NRXN1: variants seen among roughly 807,000 people sequenced by gnomAD.
NRXN1 encodes neurexin-1.
NRXN1 carries 39 observed loss-of-function variants against 150.9 expected under a neutral mutation model. The ratio of observed to expected loss-of-function variants is 0.26; its 90% CI spans 0.20 to 0.34. The LOEUF is 0.34. NRXN1 is among the 10% of genes least tolerant of loss of function. The pLI, the probability that NRXN1 is intolerant of heterozygous loss-of-function variation, is 1.00. For missense variants in NRXN1, 1,815 were observed against 1,949.9 expected, an observed-to-expected ratio of 0.93 and a Z score of 1.30; for synonymous variants, 924 against 757.0, an observed-to-expected ratio of 1.22 and a Z score of -3.62.
At chr2:50,056,209 G>C (rs576387342) in intron 19 of NRXN1, among the ~76,000 whole-genome samples, 17 of 152,152 alleles carry the variant, frequency 1.1e-4, no homozygotes, top group African/African-American at 3.9e-4. Context: ...TTTTGTTAGA[G>C]AAGATAAATG....
At chr2:50,055,766 C>G (rs1280144518) in intron 19 of NRXN1, among the ~76,000 whole-genome samples, 2 of 152,106 alleles carry the variant, frequency 1.3e-5, no homozygotes, top group Non-Finnish European at 2.9e-5. Flanking sequence ...AAGCAAATAA[C>G]ATTTGAAAAA....
At chr2:50,817,571 C>T (rs2105803470) in intron 5 of NRXN1, among the ~76,000 whole-genome samples, 1 of 152,112 alleles carries the variant, frequency 6.6e-6, no homozygotes, top group East Asian at 1.9e-4. Context: ...AACAACAGGC[C>T]AATATCCCTA....
intron 17 of NRXN1, among the ~76,000 whole-genome samples, chr2:50,427,153 T>G (rs377247201): frequency 2.3e-4 from 35 of 152,146 alleles, no homozygotes; most frequent in African/African-American, 8.4e-4. Context: ...CTAAATCTAT[T>G]TTTGTGACGA....
chr2:50,639,409 C>T (rs146221503), intron 5 of NRXN1, among the ~76,000 whole-genome samples: 119 of 151,782 alleles, frequency 7.8e-4, no homozygotes, highest in African/African-American at 2.7e-3. Context: ...TCAGTAGAGA[C>T]AGGGTCTTAC....
Position 50,901,249 on chromosome 2 carries a change from GATGA to G in NRXN1, c.832+20616_832+20619del, listed in dbSNP as rs527524813. Among the ~76,000 whole-genome samples the G allele has an allele frequency of 7.8e-3, 1,193 of 152,122 alleles. 7 individuals are homozygous for G. Among genetic ancestry groups the G allele is most frequent in the Non-Finnish European group, 0.013 (874 of 67,988 alleles). On this transcript the variant is annotated intron_variant, in intron 5 of 22. Coordinates refer to ENST00000401669, the MANE Select transcript of NRXN1 (RefSeq NM_001330078.2). The stretch of plus-strand genomic sequence containing the variant: ...ATTAATATCCAATAAAGAAAACAAA[GATGA>G]GGCTGGGCACGGTGGCTCACACCTG...
At chr2:49,955,160 G>A (rs1674702049) in intron 21 of NRXN1, among the ~76,000 whole-genome samples, 1 of 152,000 alleles carries the variant, frequency 6.6e-6, no homozygotes, top group African/African-American at 2.4e-5. Context: ...TCCACTCTAA[G>A]CTCACTACAT....
At chr2:50,626,770 C>T (rs576181332) in intron 5 of NRXN1, among the ~76,000 whole-genome samples, 1 of 151,902 alleles carries the variant, frequency 6.6e-6, no homozygotes, top group South Asian at 2.1e-4. Flanking sequence ...ATTAACAATG[C>T]TGGGTCATCA....
At chr2:50,829,394 C>T (rs944815411) in intron 5 of NRXN1, 27 of 1,231,836 alleles carry the variant, frequency 2.2e-5, no homozygotes, top group South Asian at 1.2e-4. Context: ...TCCCAAAGTG[C>T]GGGGATTACA....
rs939044262 is a variant in NRXN1, at chr2:50,442,146, G to A, written c.3364+23296C>T. On this transcript the variant is annotated intron_variant, in intron 17 of 22. Transcript: ENST00000401669. Reference sequence around the variant, plus strand: ...CTTCATGGGCTCAAATCTCAGCTCTGCTACTTAATAGCTCTATGATCCTGG... The same window carrying A: ...CTTCATGGGCTCAAATCTCAGCTCTACTACTTAATAGCTCTATGATCCTGG... 5.9e-5 allele frequency among the ~76,000 whole-genome samples: 9 copies of A among 152,220 alleles called. No homozygotes were observed. In the South Asian group the frequency reaches 1.0e-3, roughly 18 times the overall value.
At chr2:50,044,255 A>G (rs1339334553) in intron 21 of NRXN1, among the ~76,000 whole-genome samples, 1 of 152,188 alleles carries the variant, frequency 6.6e-6, no homozygotes, top group Non-Finnish European at 1.5e-5. Flanking sequence ...CCATGTAAAG[A>G]TGAAGATAAA....
intron 17 of NRXN1, among the ~76,000 whole-genome samples, chr2:50,457,701 A>G (rs768420572): frequency 3.3e-5 from 5 of 152,090 alleles, no homozygotes. Context: ...CAACAGGAAT[A>G]TAAAAAAAAT....
chr2:49,933,290 G>A (rs1344763775), intron 22 of NRXN1, among the ~76,000 whole-genome samples: 1 of 152,030 alleles, frequency 6.6e-6, no homozygotes, highest in Non-Finnish European at 1.5e-5. Context: ...GTTTCACCGT[G>A]TTAGCCAGGA....
At chr2:50,737,479 T>C (rs994411872) in intron 5 of NRXN1, among the ~76,000 whole-genome samples, 6 of 152,172 alleles carry the variant, frequency 3.9e-5, no homozygotes, top group South Asian at 2.1e-4. Flanking sequence ...GTTAAGTAAC[T>C]TTCTCAAAGT....
chr2:50,485,627 G>A (rs912580418), intron 15 of NRXN1, among the ~76,000 whole-genome samples: 1 of 152,230 alleles, frequency 6.6e-6, no homozygotes, highest in African/African-American at 2.4e-5. Flanking sequence ...GAAACTCCTC[G>A]TGGGCCGAGA....
intron 5 of NRXN1, among the ~76,000 whole-genome samples, chr2:50,859,949 T>A (rs754324185): frequency 2.0e-5 from 3 of 151,928 alleles, no homozygotes; most frequent in African/African-American, 7.3e-5. Context: ...ATTTATAAAT[T>A]CAAAATTTGG....
rs992765695 is a variant in NRXN1, at chr2:50,087,576, T to G, written c.3718+3747A>C. Among the ~76,000 whole-genome samples the G allele has an allele frequency of 2.0e-5, 3 of 152,132 alleles. No homozygotes were observed. The East Asian group carries it at 5.8e-4, about 29-fold the overall frequency. On this transcript the variant is annotated intron_variant, in intron 19 of 22. Coordinates refer to ENST00000401669, the MANE Select transcript of NRXN1 (RefSeq NM_001330078.2). ...GGACAAATCAGAGATTAATGATGCA[T>G]TATATTCTAGAGCTTTAACTGATAA...
intron 2 of NRXN1, among the ~76,000 whole-genome samples, chr2:50,962,457 CCA>C (rs1693356004): frequency 6.6e-6 from 1 of 151,596 alleles, no homozygotes; most frequent in African/African-American, 2.4e-5. Context: ...AACCTGGCCT[CCA>C]CACATTACAG....
At chr2:50,852,951 G>A (rs1487490769) in intron 5 of NRXN1, among the ~76,000 whole-genome samples, 2 of 152,104 alleles carry the variant, frequency 1.3e-5, no homozygotes, top group African/African-American at 4.8e-5. Flanking sequence ...GTGCTAAGAA[G>A]CAGACAGCTG....
intron 2 of NRXN1, among the ~76,000 whole-genome samples, chr2:50,999,914 T>C (rs920903760): frequency 1.3e-5 from 2 of 152,074 alleles, no homozygotes; most frequent in African/African-American, 4.8e-5. Context: ...CTATTCTCTC[T>C]ATGACGAATG....
Sources: gnomAD v4.1 joint callset for allele counts (sites outside exome capture counted in the v4.1 genomes callset) on GRCh38, gnomAD v4.1.1 for gene constraint, MANE v1.5 for transcripts, NCBI Gene and HGNC (gene_info 2026-07-23, HGNC 2026-07-21) for gene names.